Variants in IFRD1 observed in about 807,000 individuals in gnomAD.
IFRD1 encodes the protein interferon related developmental regulator 1, also known as interferon-related developmental regulator 1.
Under a neutral mutation model 52.9 loss-of-function variants are expected in IFRD1, and 35 were observed. That is an observed-to-expected ratio of 0.66 (90% CI 0.51 to 0.88). The LOEUF (loss-of-function observed/expected upper bound fraction) is 0.88. Among genes scored for constraint, IFRD1 ranks in the 40% least tolerant of loss-of-function variants. IFRD1 has a pLI of 0.00. For missense variants in IFRD1, 517 were observed against 550.8 expected (o/e 0.94, Z 0.61); for synonymous variants, 184 against 188.4 (o/e 0.98, Z 0.19).
At chr7:112,427,345 T>C (rs1794449848) in intron 1 of IFRD1, among the ~76,000 whole-genome samples, 1 of 152,198 alleles carries the variant, frequency 6.6e-6, no homozygotes, top group African/African-American at 2.4e-5. Flanking sequence ...GTTCAAACCA[T>C]AGTGGAAGCA....
At chr7:112,426,171 A>C (rs1416086409) in intron 1 of IFRD1, among the ~76,000 whole-genome samples, 4 of 152,070 alleles carry the variant, frequency 2.6e-5, no homozygotes, top group Non-Finnish European at 5.9e-5. Flanking sequence ...TGATTGCACC[A>C]CTGCCCTCCA....
At chr7:112,447,654 C>T (rs1485247025), upstream of IFRD1, among the ~76,000 whole-genome samples, 1 of 152,150 alleles carries the variant, frequency 6.6e-6, no homozygotes, top group Non-Finnish European at 1.5e-5. Context: ...TTTCGTGCTT[C>T]CCCTTCCTTT....
rs1794491852 is a variant in IFRD1, at chr7:112,429,089, G to A, written c.-182+5657G>A. Among the ~76,000 whole-genome samples, 3 of 152,284 alleles carry A rather than the reference G, an allele frequency of 2.0e-5. No individual in the cohort carries two copies. The South Asian group carries it at 6.2e-4, about 32-fold the overall frequency. On this transcript the variant is annotated intron_variant, in intron 1 of 12. Coordinates refer to the IFRD1 transcript ENST00000005558. Reference sequence around the variant, plus strand: ...AATTTACAAATGTTTGAACTCTTTGGTTCTTAGACCTATCTACCAATTGAG... The same window carrying A: ...AATTTACAAATGTTTGAACTCTTTGATTCTTAGACCTATCTACCAATTGAG...
chr7:112,448,894 G>A (rs1795087101), upstream of IFRD1, among the ~76,000 whole-genome samples: 1 of 152,186 alleles, frequency 6.6e-6, no homozygotes, highest in Non-Finnish European at 1.5e-5. Flanking sequence ...GAATATGAAT[G>A]AGGAAATGGA....
At chr7:112,437,159 T>C (rs1259352166) in intron 1 of IFRD1, 1 of 154,804 alleles carries the variant, frequency 6.5e-6, no homozygotes, top group Admixed American at 6.5e-5. Context: ...TATCACTATG[T>C]TGCCCAGGCT....
intron 5 of IFRD1, 66 bp downstream of exon 5, chr7:112,459,084 A>AGT: frequency 2.0e-6 from 1 of 491,830 alleles, no homozygotes; most frequent in South Asian, 2.0e-5. Context: ...GTGCGCCTAT[A>AGT]GTACTGTACC....
Position 112,467,999 on chromosome 7 carries a change from A to C in IFRD1, c.925A>C (p.Met309Leu). ...GIESDFFYED[M>L]ESLTQMLRAL... is the part of the protein sequence containing the mutation. Reference sequence around the variant, plus strand: ...TGTCCAGGACTTTTTTTATGAAGACATGGAGTCCTTGACGCAGATGCTTAG... The same window carrying C: ...TGTCCAGGACTTTTTTTATGAAGACCTGGAGTCCTTGACGCAGATGCTTAG... The change falls in exon 9 of 12, where the codon ATG becomes CTG. Residue 309 changes from methionine (M) to leucine (L), a missense_variant. Met to Leu is a conservative substitution (Grantham distance 15, BLOSUM62 2). Transcript: ENST00000403825. 1 of 1,614,088 alleles carries C rather than the reference A, an allele frequency of 6.2e-7. No individual in the cohort carries two copies. The highest frequency in any genetic ancestry group is 8.5e-7 in the Non-Finnish European group (1 of 1,179,936).
chr7:112,472,994 A>C (rs954003432), intron 11 of IFRD1, 133 bp downstream of exon 11: 86 of 692,198 alleles, frequency 1.2e-4, no homozygotes, highest in Non-Finnish European at 1.9e-4. Context: ...GAATAGCTGT[A>C]CTAAAGATAC....
chr7:112,432,588 C>T (rs1794572272), intron 1 of IFRD1, among the ~76,000 whole-genome samples: 1 of 152,134 alleles, frequency 6.6e-6, no homozygotes, highest in South Asian at 2.1e-4. Context: ...ATGACTATCC[C>T]CATTTTACAA....
chr7:112,433,432 A>C (rs1244494447), intron 1 of IFRD1, among the ~76,000 whole-genome samples: 1 of 152,206 alleles, frequency 6.6e-6, no homozygotes, highest in Non-Finnish European at 1.5e-5. Flanking sequence ...TGATCCACTG[A>C]GTACAGGGTC....
At chr7:112,453,877 A>C (rs1795224212) in intron 1 of IFRD1, among the ~76,000 whole-genome samples, 1 of 152,220 alleles carries the variant, frequency 6.6e-6, no homozygotes, top group Non-Finnish European at 1.5e-5. Flanking sequence ...TTAAAAAAAA[A>C]AATCCAGCCC....
rs1251344078 is a variant in IFRD1 at position 112,474,737 on chromosome 7, T to C, written c.1267-693T>C. The stretch of plus-strand genomic sequence containing the variant: ...ATTGAGTTTTATAATTTAAAAAATG[T>C]GTTTATTTAATTGATATTAAAATGG... On this transcript the variant is annotated intron_variant, in intron 11 of 11. Coordinates refer to ENST00000403825, the MANE Select transcript of IFRD1 (RefSeq NM_001550.4). 2.0e-5 allele frequency among the ~76,000 whole-genome samples: 3 copies of C among 152,354 alleles called. No individual in the cohort carries two copies. The East Asian group carries it at 5.8e-4, about 29-fold the overall frequency.
intron 5 of IFRD1, 70 bp downstream of exon 5, chr7:112,459,088 C>A: frequency 8.1e-7 from 1 of 1,238,874 alleles, no homozygotes; most frequent in Non-Finnish European, 1.2e-6. Flanking sequence ...GCCTATAGTA[C>A]TGTACCAGCT....
At chr7:112,474,763 C>T (rs967017934) in intron 11 of IFRD1, among the ~76,000 whole-genome samples, 2 of 152,080 alleles carry the variant, frequency 1.3e-5, no homozygotes, top group Non-Finnish European at 2.9e-5. Context: ...ATTAAAATGG[C>T]ACTTCATCAC....
intron 1 of IFRD1, chr7:112,435,653 T>TGTGTGC (rs1358291906): frequency 2.7e-5 from 4 of 149,294 alleles, no homozygotes; most frequent in African/African-American, 5.1e-5. Context: ...TGTGTGTGTG[T>TGTGTGC]GTGCGTGCTT....
At chr7:112,438,758 CAT>C (rs1306529403) in intron 1 of IFRD1, among the ~76,000 whole-genome samples, 3 of 152,150 alleles carry the variant, frequency 2.0e-5, no homozygotes, top group Non-Finnish European at 4.4e-5. Context: ...ACCCTATTAT[CAT>C]GTGGGTGGAG....
upstream of IFRD1, among the ~76,000 whole-genome samples, chr7:112,445,766 T>C (rs1401253282): frequency 2.0e-5 from 3 of 152,222 alleles, no homozygotes; most frequent in Non-Finnish European, 4.4e-5. Context: ...GTGTTCTGTT[T>C]CTAATTTGCA....
intron 4 of IFRD1, 46 bp from the exon 5 acceptor site, chr7:112,458,815 G>T: frequency 6.4e-7 from 1 of 1,571,148 alleles, no homozygotes; most frequent in Non-Finnish European, 8.8e-7. Flanking sequence ...TAGTAAGTTA[G>T]TCTACTGAAA....
At chr7:112,452,046 G>T (rs1795178556) in intron 1 of IFRD1, 2 of 980,202 alleles carry the variant, frequency 2.0e-6, no homozygotes, top group African/African-American at 1.7e-5. Flanking sequence ...CATTTTTTAG[G>T]TGCCTCTTTA....
Sources: gnomAD v4.1 joint callset for allele counts (sites outside exome capture counted in the v4.1 genomes callset) on GRCh38, gnomAD v4.1.1 for gene constraint, MANE v1.5 for transcripts, NCBI Gene and HGNC (gene_info 2026-07-23, HGNC 2026-07-21) for gene names.